NIBAN3: variants seen among roughly 807,000 people sequenced by gnomAD.
NIBAN3 encodes protein Niban 3.
Under a neutral mutation model 76.4 loss-of-function variants are expected in NIBAN3, and 66 were observed. That is an observed-to-expected ratio of 0.86 (90% CI 0.71 to 1.06). The LOEUF (loss-of-function observed/expected upper bound fraction) is 1.06. Ranked by LOEUF, NIBAN3 falls within the 50% of genes least tolerant of loss-of-function variation. NIBAN3 has a pLI of 0.00. For missense variants in NIBAN3, 808 were observed against 810.7 expected, an observed-to-expected ratio of 1.00 and a Z score of 0.04; for synonymous variants, 360 against 355.2, an observed-to-expected ratio of 1.01 and a Z score of -0.15.
chr19:17,542,387 C>G lies in NIBAN3; in HGVS notation c.1329+93C>G, dbSNP rs1286263768. 2.2e-6 allele frequency: 3 copies of G among 1,344,808 alleles called. No individual in the cohort carries two copies. The highest frequency in any genetic ancestry group is 3.0e-6 in the Non-Finnish European group (3 of 988,812). The allele number at this position is 1,344,808 out of a possible 1,614,324, so 83.3% of individuals were successfully genotyped here. ...TGTGCCCTGGAGAGACCACGATGAT[C>G]GAGACAACTCCGCGGGGCTGCCAGT... On this transcript the variant is annotated intron_variant, in intron 10 of 14. Coordinates refer to ENST00000599164, the MANE Select transcript of NIBAN3 (RefSeq NM_001321827.2). This position sits in a 1 kb window ranked among gnomAD's most constrained non-coding sequence, Gnocchi z 4.8.
chr19:17,532,278 C>G lies in NIBAN3; in HGVS notation c.202C>G (p.Arg68Gly), dbSNP rs754615947. 1.2e-6 allele frequency: 2 copies of G among 1,612,074 alleles called. No individual in the cohort carries two copies. Among genetic ancestry groups the G allele is most frequent in the East Asian group, 2.2e-5 (1 of 44,846 alleles). Residue 68 changes from arginine to glycine, a missense_variant, in exon 3 of 15, where the codon CGT becomes GGT. Coordinates refer to ENST00000599164, the MANE Select transcript of NIBAN3 (RefSeq NM_001321827.2). ...LLRSKKLPRV[R>G]EHRGPLTQLR... ...CTTTCTGCAGAAGCTGCCCCGAGTC[C>G]GTGAGCACCGAGGACCCCTGACCCA...
intron 4 of NIBAN3, 37 bp from the exon 5 acceptor site, chr19:17,537,339 G>C: frequency 6.3e-7 from 1 of 1,596,852 alleles, no homozygotes; most frequent in Non-Finnish European, 8.6e-7. Context: ...CCTAGTGAAT[G>C]AACGTCTAGA....
At chr19:17,528,105 T>G (rs947042065) in intron 1 of NIBAN3, among the ~76,000 whole-genome samples, 1 of 151,968 alleles carries the variant, frequency 6.6e-6, no homozygotes, top group African/African-American at 2.4e-5. Flanking sequence ...TTTGTTTTGT[T>G]TTTTGAGATG....
At chr19:17,548,260 C>T (rs923242715) in intron 13 of NIBAN3, among the ~76,000 whole-genome samples, 4 of 152,130 alleles carry the variant, frequency 2.6e-5, no homozygotes, top group South Asian at 4.1e-4. Context: ...GGGCACGGAG[C>T]GGGAGGCTGG....
chr19:17,551,317 A>G (rs555611698), intron 14 of NIBAN3, among the ~76,000 whole-genome samples: 190 of 147,492 alleles, frequency 1.3e-3, no homozygotes, highest in African/African-American at 4.6e-3. Flanking sequence ...CTGATTTTGA[A>G]CTCCTGACCT....
chr19:17,534,982 G>A (rs1195635536), intron 4 of NIBAN3, among the ~76,000 whole-genome samples: 1 of 152,096 alleles, frequency 6.6e-6, no homozygotes, highest in Non-Finnish European at 1.5e-5. Flanking sequence ...ACAGTCAAGG[G>A]CAGAGCTAGA....
At chr19:17,541,849 A>T (rs1196969550) in intron 9 of NIBAN3, among the ~76,000 whole-genome samples, 2 of 151,520 alleles carry the variant, frequency 1.3e-5, no homozygotes, top group African/African-American at 4.9e-5. Flanking sequence ...ACACCTAGCT[A>T]ATTTTTGTAT....
At chr19:17,553,783 A>T, downstream of NIBAN3, 1 of 495,840 alleles carries the variant, frequency 2.0e-6, no homozygotes, top group Non-Finnish European at 3.6e-6. Flanking sequence ...TCCAGATGGG[A>T]TGGGATGTAT....
chr19:17,536,220 T>C (rs2075822395), intron 4 of NIBAN3, among the ~76,000 whole-genome samples: 1 of 152,200 alleles, frequency 6.6e-6, no homozygotes, highest in African/African-American at 2.4e-5. Flanking sequence ...AGTCTTGCTC[T>C]TGCTCTGTCT....
rs748391521 is a variant in NIBAN3, at chr19:17,546,659, C to T, written c.1555-27C>T. The T allele has an allele frequency of 2.6e-5, 39 of 1,505,862 alleles. No individual in the cohort carries two copies. The Admixed American group carries it at 5.6e-4, about 22-fold the overall frequency. 93.3% of individuals were successfully genotyped at this position (1,505,862 alleles called of 1,614,324 possible). ...CTCTAGAGGGGCCCTCCTCTCCATC[C>T]GAGCCCCTAACCCGCCATGGTTCCA... is the stretch of plus-strand genomic sequence containing the variant. On this transcript the variant is annotated intron_variant, in intron 12 of 14. Transcript: ENST00000599164.
chr19:17,550,260 G>A (rs1447407721), intron 14 of NIBAN3, among the ~76,000 whole-genome samples: 3 of 152,122 alleles, frequency 2.0e-5, no homozygotes, highest in African/African-American at 7.2e-5. Context: ...CCATAATTTG[G>A]GGGATAATTT....
chr19:17,542,163 G>GTT lies in NIBAN3; in HGVS notation c.1198_1199insTT (p.Asp400ValfsTer5), dbSNP rs2075965268. The GTT allele has an allele frequency of 6.2e-7, 1 of 1,614,052 alleles. No homozygotes were observed. Among genetic ancestry groups the GTT allele is most frequent in the South Asian group, 1.1e-5 (1 of 91,088 alleles). On this transcript the variant is annotated frameshift_variant, in exon 10 of 15. Coordinates refer to ENST00000599164, the MANE Select transcript of NIBAN3 (RefSeq NM_001321827.2). LOFTEE classifies it high-confidence loss of function. This position sits in a 1 kb window ranked among gnomAD's most constrained non-coding sequence, Gnocchi z 4.8. ...TTACTCATTTGGGGAGATGCCGTGGGACTTGGCGCTGATGCAGACATGCTA... is the reference window on the plus strand; with the variant it reads ...TTACTCATTTGGGGAGATGCCGTGGGTTACTTGGCGCTGATGCAGACATGCTA...
intron 4 of NIBAN3, among the ~76,000 whole-genome samples, chr19:17,534,730 G>T (rs1227163589): frequency 2.7e-5 from 4 of 150,094 alleles, no homozygotes; most frequent in Admixed American, 1.3e-4. Flanking sequence ...GGCAGAGCTT[G>T]CAGTGAGCCG....
Position 17,539,667 on chromosome 19 carries a change from C to A in NIBAN3, c.881C>A (p.Pro294His), listed in dbSNP as rs903163286. ...TCCGCCGGGCTCTGCGCCTTCCAGC[C>A]CGAAAAGGACGAGCTGCTTGCGTCG... is the stretch of plus-strand genomic sequence containing the variant. Reference protein sequence around the residue: ...GASAGLCAFQPEKDELLASLE... With the variant: ...GASAGLCAFQHEKDELLASLE... Residue 294 changes from proline to histidine, a missense_variant, in exon 8 of 15, where the codon CCC (proline) becomes CAC (histidine). Transcript: ENST00000599164. The A allele has an allele frequency of 9.0e-6, 14 of 1,562,504 alleles. No homozygotes were observed. In the Admixed American group the frequency reaches 1.7e-4, roughly 19 times the overall value.
At position 17,551,239 on chromosome 19, in the gene NIBAN3, G is replaced by A. The variant is rs567665197; in HGVS notation, c.1751-547G>A. Among the ~76,000 whole-genome samples the A allele has an allele frequency of 7.2e-5, 11 of 151,780 alleles. No homozygotes were observed. In the South Asian group the frequency reaches 2.1e-3, roughly 29 times the overall value. ...GCCTCCCCAGTAGCTGGGATTACAG[G>A]CGTCCACCACCACGCCCGGCTACTT... On this transcript the variant is annotated intron_variant, in intron 14 of 14. Transcript: ENST00000599164.
chr19:17,533,802 A>AG, intron 4 of NIBAN3, 101 bp downstream of exon 4: 1 of 857,492 alleles, frequency 1.2e-6, no homozygotes, highest in Non-Finnish European at 1.9e-6. Flanking sequence ...CGTGTACAGC[A>AG]GGGCAGTAAG....
chr19:17,541,222 CATACATAT>C (rs879688519), intron 9 of NIBAN3, among the ~76,000 whole-genome samples: 8,883 of 135,724 alleles, frequency 0.065, 485 homozygotes, highest in Admixed American at 0.2. Flanking sequence ...AAAATACATA[CATACATAT>C]ATACATACAT....
At chr19:17,549,416 G>A in intron 13 of NIBAN3, 28 bp from the exon 14 acceptor site, 1 of 1,547,608 alleles carries the variant, frequency 6.5e-7, no homozygotes, top group Non-Finnish European at 8.9e-7. Flanking sequence ...GCTTCCCCAG[G>A]TGTGTCCAAG....
intron 3 of NIBAN3, among the ~76,000 whole-genome samples, 187 bp downstream of exon 3, chr19:17,532,575 G>A (rs1048624420): frequency 1.3e-5 from 2 of 152,142 alleles, no homozygotes; most frequent in East Asian, 3.9e-4. Flanking sequence ...GCTGTGCTGG[G>A]TGGGTAAACT....
Sources: allele counts gnomAD v4.1 joint callset (sites outside exome capture counted in the v4.1 genomes callset), GRCh38; gene constraint gnomAD v4.1.1; non-coding constraint Gnocchi (gnomAD v3.1); transcripts MANE v1.5; gene names NCBI Gene and HGNC (gene_info 2026-07-23, HGNC 2026-07-21).